RSPO1: variants seen among roughly 807,000 people sequenced by gnomAD.
The protein encoded by RSPO1 is R-spondin-1.
Under a neutral mutation model 26.0 loss-of-function variants are expected in RSPO1, and 18 were observed. The ratio of observed to expected loss-of-function variants is 0.69; its 90% CI spans 0.48 to 1.03. RSPO1 has a LOEUF of 1.03. Ranked by LOEUF, RSPO1 falls within the 50% of genes least tolerant of loss-of-function variation. RSPO1 has a pLI of 0.00. For missense variants in RSPO1, 309 were observed against 352.3 expected, an observed-to-expected ratio of 0.88 and a Z score of 0.98; for synonymous variants, 133 against 137.4, an observed-to-expected ratio of 0.97 and a Z score of 0.22.
intron 3 of RSPO1, among the ~76,000 whole-genome samples, chr1:37,617,449 A>C (rs1284025454): frequency 2.6e-5 from 4 of 152,116 alleles, no homozygotes; most frequent in Non-Finnish European, 5.9e-5. Context: ...ACCTGAGGTC[A>C]GGAGTTTGAG....
Position 37,634,467 on chromosome 1 carries a change from C to T in RSPO1, c.-356+99G>A, listed in dbSNP as rs1644408672. The stretch of plus-strand genomic sequence containing the variant: ...CTTCCTTTCTGTCTCCCCCCACGCA[C>T]CCAGCTAGAACCAGCCCCGACGGGA... On this transcript the variant is annotated intron_variant, in intron 1 of 6. Coordinates refer to ENST00000356545, the MANE Select transcript of RSPO1 (RefSeq NM_001242908.2). This position sits in a 1 kb window ranked among gnomAD's most constrained non-coding sequence, Gnocchi z 4.7. The T allele has an allele frequency of 6.6e-6, 1 of 152,554 alleles. No individual in the cohort carries two copies. The highest frequency in any genetic ancestry group is 2.4e-5 in the African/African-American group (1 of 41,444). The allele number at this position is 152,554 out of a possible 1,614,324, so 9.5% of individuals were successfully genotyped here.
intron 4 of RSPO1, 95 bp downstream of exon 4, chr1:37,616,389 C>T: frequency 8.4e-7 from 1 of 1,186,576 alleles, no homozygotes; most frequent in Non-Finnish European, 1.2e-6. Flanking sequence ...AGAGCCCCCT[C>T]TGCTCCTCTT....
intron 3 of RSPO1, among the ~76,000 whole-genome samples, chr1:37,622,295 A>T (rs961431829): frequency 6.6e-6 from 1 of 152,202 alleles, no homozygotes; most frequent in Non-Finnish European, 1.5e-5. Context: ...GGTGGACAGC[A>T]GGAGGCAGTT....
chr1:37,634,148 C>T lies in RSPO1; in HGVS notation c.-356+418G>A, dbSNP rs181770958. ...GCCGCCTGCCACGTCGAACCCAGGC[C>T]CAGGCTGCGGACTGGGGTGGGGGTC... On this transcript the variant is annotated intron_variant, in intron 1 of 6. Transcript: ENST00000356545. This position sits in a 1 kb window ranked among gnomAD's most constrained non-coding sequence, Gnocchi z 4.7. Among the ~76,000 whole-genome samples, 638 of 152,188 alleles carry T rather than the reference C, an allele frequency of 4.2e-3. 1 individual carries two copies. Among genetic ancestry groups the T allele is most frequent in the Non-Finnish European group, 6.6e-3 (449 of 68,004 alleles).
intron 3 of RSPO1, among the ~76,000 whole-genome samples, chr1:37,617,528 G>T (rs1644133566): frequency 6.6e-6 from 1 of 151,900 alleles, no homozygotes; most frequent in African/African-American, 2.4e-5. Context: ...GCATGGTGGT[G>T]CATGCCTGTA....
intron 3 of RSPO1, among the ~76,000 whole-genome samples, chr1:37,620,084 G>A (rs1644177561): frequency 6.6e-6 from 1 of 152,134 alleles, no homozygotes; most frequent in Admixed American, 6.5e-5. Flanking sequence ...GGAATGGAAA[G>A]GTAAATTACT....
chr1:37,616,497 C>T lies in RSPO1; in HGVS notation c.273G>A (p.Met91Ile). The T allele has an allele frequency of 1.2e-6, 2 of 1,614,164 alleles. No individual in the cohort carries two copies. The highest frequency in any genetic ancestry group is 1.1e-5 in the South Asian group (1 of 91,058). ...GCCCACACTCACTGATGCACTTGTT[C>T]ATGTCGGGGTTGCGGGCGTCGAAGT... is the stretch of plus-strand genomic sequence containing the variant. Reference protein sequence around the residue: ...PGYFDARNPDMNKCIKCKIEH... With the variant: ...PGYFDARNPDINKCIKCKIEH... The change falls in exon 4 of 7, where the codon ATG becomes ATA. Residue 91 changes from methionine to isoleucine, a missense_variant. Physicochemically the swap from Met to Ile is conservative, Grantham distance 10. Coordinates refer to ENST00000356545, the MANE Select transcript of RSPO1 (RefSeq NM_001242908.2).
chr1:37,619,220 C>G (rs1644162938), intron 3 of RSPO1, among the ~76,000 whole-genome samples: 1 of 152,110 alleles, frequency 6.6e-6, no homozygotes, highest in African/African-American at 2.4e-5. Flanking sequence ...AAGACTGTCT[C>G]AAAAGACAAA....
chr1:37,627,460 G>T (rs1644294625), intron 3 of RSPO1, among the ~76,000 whole-genome samples: 1 of 152,064 alleles, frequency 6.6e-6, no homozygotes, highest in East Asian at 1.9e-4. Flanking sequence ...GACCAGCCTG[G>T]CCAACATGAC....
rs1644331909 is a variant in RSPO1, at chr1:37,629,902, A to G, written c.-241T>C. On this transcript the variant is annotated 5_prime_UTR_variant, in exon 3 of 7. Coordinates refer to ENST00000356545, the MANE Select transcript of RSPO1 (RefSeq NM_001242908.2). ...CCTCAAAGATACCTCGGAATATCAT[A>G]TGAGAGATCTTTTTGTCACGTCAGC... 7 of 1,546,932 alleles carry G rather than the reference A, an allele frequency of 4.5e-6. No homozygotes were observed. Among genetic ancestry groups the G allele is most frequent in the Admixed American group, 3.9e-5 (2 of 50,986 alleles).
intron 3 of RSPO1, among the ~76,000 whole-genome samples, chr1:37,622,474 G>A (rs997546288): frequency 7.9e-5 from 12 of 152,202 alleles, no homozygotes; most frequent in African/African-American, 2.9e-4. Context: ...TTGAGCCACT[G>A]CACTCCAGCC....
intron 3 of RSPO1, 97 bp downstream of exon 3, chr1:37,629,471 G>T: frequency 1.1e-6 from 1 of 913,806 alleles, no homozygotes; most frequent in Admixed American, 1.8e-5. Flanking sequence ...ACTCTGCAAG[G>T]GTCATCATGG....
chr1:37,617,900 C>T (rs1237175235), intron 3 of RSPO1, among the ~76,000 whole-genome samples: 1 of 152,066 alleles, frequency 6.6e-6, no homozygotes, highest in Non-Finnish European at 1.5e-5. Context: ...TGCTGACAGC[C>T]ACAAGGCCAA....
chr1:37,626,272 G>A (rs1438155343), intron 3 of RSPO1, among the ~76,000 whole-genome samples: 1 of 152,158 alleles, frequency 6.6e-6, no homozygotes, highest in Non-Finnish European at 1.5e-5. Flanking sequence ...ATCCCAGTAG[G>A]TTCTGGATGG....
At chr1:37,633,097 T>C (rs796534312) in intron 1 of RSPO1, among the ~76,000 whole-genome samples, 14 of 152,364 alleles carry the variant, frequency 9.2e-5, no homozygotes, top group African/African-American at 3.4e-4. Flanking sequence ...CCACCTGCCA[T>C]GTGCCAGGTC....
intron 3 of RSPO1, among the ~76,000 whole-genome samples, chr1:37,625,575 C>A (rs1644263094): frequency 6.6e-6 from 1 of 152,088 alleles, no homozygotes; most frequent in African/African-American, 2.4e-5. Context: ...GCCAGGGCCC[C>A]TCTCAGGCCA....
At chr1:37,630,330 C>G (rs1644339741) in intron 2 of RSPO1, among the ~76,000 whole-genome samples, 1 of 152,004 alleles carries the variant, frequency 6.6e-6, no homozygotes, top group Non-Finnish European at 1.5e-5. Context: ...GAGGAGCTCT[C>G]TCTCTCTCTC....
At chr1:37,616,753 T>C (rs1644119634) in intron 3 of RSPO1, 78 bp from the exon 4 acceptor site, 16 of 1,283,990 alleles carry the variant, frequency 1.2e-5, no homozygotes, top group Non-Finnish European at 1.8e-5. Context: ...GGATGGGAAG[T>C]GAATAGATCG....
intron 1 of RSPO1, among the ~76,000 whole-genome samples, chr1:37,633,328 G>A (rs1028850616): frequency 8.5e-5 from 13 of 152,316 alleles, no homozygotes; most frequent in Admixed American, 8.5e-4. Context: ...GACCTGCAAA[G>A]TGGGGACGGG....
Sources: gnomAD v4.1 joint callset for allele counts (sites outside exome capture counted in the v4.1 genomes callset) on GRCh38, gnomAD v4.1.1 for gene constraint, Gnocchi (gnomAD v3.1) non-coding constraint, MANE v1.5 for transcripts, NCBI Gene and HGNC (gene_info 2026-07-23, HGNC 2026-07-21) for gene names.